The following LRP1B variants were observed in gnomAD, a reference collection of about 807,000 sequenced individuals.
LRP1B encodes low-density lipoprotein receptor-related protein 1B.
Under a neutral mutation model 556.6 loss-of-function variants are expected in LRP1B, and 217 were observed. The observed-to-expected ratio is 0.39, with a 90% confidence interval of 0.35 to 0.44. LRP1B has a LOEUF of 0.44. Among genes scored for constraint, LRP1B ranks in the 20% least tolerant of loss-of-function variants. LRP1B has a pLI of 1.00. For synonymous variants in LRP1B, 2,047 were observed against 1,865.8 expected (o/e 1.10, Z -2.50); for missense variants, 5,053 against 5,620.8 (o/e 0.90, Z 3.23).
chr2:141,384,502 G>A (rs953514734), intron 3 of LRP1B, among the ~76,000 whole-genome samples: 12 of 152,040 alleles, frequency 7.9e-5, no homozygotes, highest in Non-Finnish European at 7.4e-5. Context: ...AAACAGCTAC[G>A]TAGTGTGGGA....
At chr2:141,445,979 T>C (rs1337704197) in intron 3 of LRP1B, among the ~76,000 whole-genome samples, 1 of 152,148 alleles carries the variant, frequency 6.6e-6, no homozygotes, top group African/African-American at 2.4e-5. Flanking sequence ...TACTTGTTAA[T>C]TTTCTGTCTT....
At chr2:140,794,073 G>A (rs1690214136) in intron 32 of LRP1B, among the ~76,000 whole-genome samples, 2 of 151,922 alleles carry the variant, frequency 1.3e-5, no homozygotes, top group African/African-American at 4.8e-5. Flanking sequence ...ACAATATAAT[G>A]TTTCTGAATA....
At chr2:140,266,280 C>A (rs546924500) in intron 86 of LRP1B, among the ~76,000 whole-genome samples, 1 of 152,038 alleles carries the variant, frequency 6.6e-6, no homozygotes, top group Non-Finnish European at 1.5e-5. Context: ...GGCCACCTAA[C>A]TGAGAAATCC....
intron 15 of LRP1B, among the ~76,000 whole-genome samples, chr2:140,999,287 C>T (rs553014092): frequency 6.6e-6 from 1 of 152,140 alleles, no homozygotes; most frequent in East Asian, 1.9e-4. Context: ...ACTACAAATT[C>T]TCAAATAAGC....
At position 140,867,737 on chromosome 2, in the gene LRP1B, A is replaced by G. The variant is rs147895385; in HGVS notation, c.4432T>C (p.Tyr1478His). The G allele has an allele frequency of 1.6e-5, 25 of 1,612,482 alleles. No individual in the cohort carries two copies. Among genetic ancestry groups the G allele is most frequent in the African/African-American group, 4.0e-5 (3 of 74,772 alleles). The change falls in exon 27 of 91, where the codon TAT becomes CAT. Residue 1478 changes from tyrosine to histidine, a missense_variant. Coordinates refer to ENST00000389484, the MANE Select transcript of LRP1B (RefSeq NM_018557.3). Reference protein sequence around the residue: ...YLSHPFAVSLYGSEVYWTDWR... With the variant: ...YLSHPFAVSLHGSEVYWTDWR... The stretch of plus-strand genomic sequence containing the variant: ...TCTGTCCAGTAGACTTCACTCCCAT[A>G]TAGAGACACAGCAAAGGGATGGGAA...
intron 7 of LRP1B, among the ~76,000 whole-genome samples, chr2:141,140,769 A>G (rs1297209734): frequency 1.3e-5 from 2 of 152,216 alleles, no homozygotes; most frequent in East Asian, 3.8e-4. Context: ...GTGTTATAGC[A>G]GACTAGCAAA....
At chr2:140,266,952 A>G (rs529318713) in intron 86 of LRP1B, among the ~76,000 whole-genome samples, 1 of 152,214 alleles carries the variant, frequency 6.6e-6, no homozygotes, top group South Asian at 2.1e-4. Context: ...ACTGCAATGC[A>G]GTGTAAGAGT....
chr2:141,531,616 CA>C, intron 2 of LRP1B, among the ~76,000 whole-genome samples: 1 of 152,102 alleles, frequency 6.6e-6, no homozygotes, highest in South Asian at 2.1e-4. Flanking sequence ...AAGAGCACAC[CA>C]AAGTCAATAC....
chr2:140,449,274 G>A (rs1472536092), intron 63 of LRP1B, among the ~76,000 whole-genome samples: 4 of 151,994 alleles, frequency 2.6e-5, no homozygotes, highest in African/African-American at 9.7e-5. Context: ...AGTATTTACT[G>A]TTATCATAGA....
intron 49 of LRP1B, among the ~76,000 whole-genome samples, chr2:140,517,876 A>G (rs1689985029): frequency 6.6e-6 from 1 of 151,708 alleles, no homozygotes; most frequent in African/African-American, 2.4e-5. Context: ...ATGCCCGGCT[A>G]ATTTTTGTAT....
chr2:140,884,568 C>A (rs1693577210), intron 24 of LRP1B, among the ~76,000 whole-genome samples: 1 of 152,096 alleles, frequency 6.6e-6, no homozygotes, highest in Admixed American at 6.6e-5. Flanking sequence ...GACCCTCTTC[C>A]CCACCTGGGA....
chr2:141,703,743 G>A (rs1483242102), intron 2 of LRP1B, among the ~76,000 whole-genome samples: 1 of 151,894 alleles, frequency 6.6e-6, no homozygotes, highest in East Asian at 1.9e-4. Context: ...CAGTGATATT[G>A]CTGAGGATGC....
intron 11 of LRP1B, among the ~76,000 whole-genome samples, chr2:141,037,829 A>G (rs1698577112): frequency 6.6e-6 from 1 of 151,824 alleles, no homozygotes; most frequent in South Asian, 2.1e-4. Context: ...AGCAGAAGGA[A>G]GACTTCCAAA....
intron 37 of LRP1B, among the ~76,000 whole-genome samples, chr2:140,713,409 G>A (rs1200936657): frequency 6.6e-6 from 1 of 150,588 alleles, no homozygotes; most frequent in East Asian, 1.9e-4. Flanking sequence ...TCCATTACTT[G>A]GCTTGAGGGA....
intron 4 of LRP1B, among the ~76,000 whole-genome samples, chr2:141,252,243 T>A (rs1010787220): frequency 8.2e-6 from 1 of 121,778 alleles, no homozygotes; most frequent in East Asian, 2.5e-4. Flanking sequence ...AAGAGAAAGC[T>A]ACAATGGCAA....
chr2:141,122,430 G>C (rs1701081419), intron 7 of LRP1B, among the ~76,000 whole-genome samples: 1 of 149,268 alleles, frequency 6.7e-6, no homozygotes, highest in African/African-American at 2.5e-5. Context: ...ACATCAAAAA[G>C]TGGGCAAAGG....
At chr2:140,506,659 T>C (rs1448582902) in intron 53 of LRP1B, 137 bp downstream of exon 53, 4 of 779,218 alleles carry the variant, frequency 5.1e-6, no homozygotes, top group African/African-American at 1.8e-5. Context: ...TGTGCTGTGA[T>C]TGTGTATTAC....
At chr2:140,590,545 C>T (rs1682179256) in intron 43 of LRP1B, among the ~76,000 whole-genome samples, 1 of 136,536 alleles carries the variant, frequency 7.3e-6, no homozygotes, top group African/African-American at 2.8e-5. Context: ...GAATTTGTGG[C>T]CTAGATCTCT....
At chr2:141,667,790 C>T (rs17738291) in intron 2 of LRP1B, among the ~76,000 whole-genome samples, 16,927 of 152,054 alleles carry the variant, frequency 0.11, 1,017 homozygotes, top group African/African-American at 0.15. Context: ...ATAGGGTATA[C>T]CTATGTTTCC....
Sources: allele counts gnomAD v4.1 joint callset (sites outside exome capture counted in the v4.1 genomes callset), GRCh38; gene constraint gnomAD v4.1.1; transcripts MANE v1.5; gene names NCBI Gene and HGNC (gene_info 2026-07-23, HGNC 2026-07-21).